The following DMD variants were observed in gnomAD, a reference collection of about 807,000 sequenced individuals.
DMD encodes the protein mutant dystrophin.
Under a neutral mutation model 330.1 loss-of-function variants are expected in DMD, and 63 were observed. That is an observed-to-expected ratio of 0.19 (90% confidence interval 0.16 to 0.24). The LOEUF is 0.24. DMD is among the 10% of genes least tolerant of loss of function. The pLI, the probability that DMD is intolerant of heterozygous loss-of-function variation, is 1.00. For synonymous variants in DMD, 1,223 were observed against 959.8 expected (o/e 1.27, Z -5.07); for missense variants, 3,344 against 2,684.1 (o/e 1.25, Z -5.43).
intron 7 of DMD, among the ~76,000 whole-genome samples, chrX:32,701,575 C>T (rs1301148100): frequency 1.8e-5 from 2 of 111,198 alleles, no homozygotes; most frequent in Non-Finnish European, 3.8e-5. Context: ...TCTTGAAATT[C>T]TAGAAAATGT....
chrX:31,787,067 G>A (rs2091340064), intron 50 of DMD, among the ~76,000 whole-genome samples: 1 of 112,115 alleles, frequency 8.9e-6, no homozygotes, highest in African/African-American at 3.2e-5. Flanking sequence ...TTCGATAGTA[G>A]AATATTTTTT....
At chrX:31,334,757 T>C (rs943097395) in intron 61 of DMD, among the ~76,000 whole-genome samples, 1 of 112,049 alleles carries the variant, frequency 8.9e-6, no homozygotes, top group Non-Finnish European at 1.9e-5. Context: ...CTTTTAACGA[T>C]AGCCAACCAT....
intron 63 of DMD, among the ~76,000 whole-genome samples, chrX:31,235,909 T>C (rs748059153): frequency 8.9e-6 from 1 of 112,526 alleles, no homozygotes; most frequent in East Asian, 2.8e-4. Context: ...TAACTGTATG[T>C]TGGCTCACTC....
intron 44 of DMD, among the ~76,000 whole-genome samples, chrX:32,070,361 G>A (rs751197813): frequency 9.0e-6 from 1 of 110,626 alleles, no homozygotes; most frequent in African/African-American, 3.3e-5. Context: ...CCACCCATGG[G>A]GTTTCTCATC....
rs904702430 is a variant in DMD, at chrX:31,234,077, T to C, written c.9287-10956A>G. Among the ~76,000 whole-genome samples, 3 of 112,162 alleles carry C rather than the reference T, an allele frequency of 2.7e-5. No individual in the cohort carries two copies. The Admixed American group carries it at 2.8e-4, about 11-fold the overall frequency. ...CAGTCAGCTGCAACGGAGGCTCTGT[T>C]ACCCTAACAGAAGCTTTTCAGGTTG... is the stretch of plus-strand genomic sequence containing the variant. On this transcript the variant is annotated intron_variant, in intron 63 of 78. Transcript: ENST00000357033.
At chrX:32,530,544 G>T (rs1029355295) in intron 17 of DMD, among the ~76,000 whole-genome samples, 1 of 112,049 alleles carries the variant, frequency 8.9e-6, no homozygotes. Flanking sequence ...ACATTTATAA[G>T]TTTTGTTTAA....
chrX:32,330,592 ATTG>A (rs2097674286), intron 41 of DMD, among the ~76,000 whole-genome samples: 1 of 111,701 alleles, frequency 9.0e-6, no homozygotes, highest in African/African-American at 3.2e-5. Flanking sequence ...TACACTTTAT[ATTG>A]TTGTGTTGCA....
At chrX:31,331,105 A>C (rs1303056776) in intron 61 of DMD, among the ~76,000 whole-genome samples, 1 of 112,111 alleles carries the variant, frequency 8.9e-6, no homozygotes. Context: ...GAGACCTCTA[A>C]TGTCTGCCAT....
At chrX:31,610,086 TCTCCCTCTCTCCTTTCTATC>T (rs1461837384) in intron 55 of DMD, among the ~76,000 whole-genome samples, 1 of 109,753 alleles carries the variant, frequency 9.1e-6, no homozygotes. Context: ...TCCTTCCTGT[TCTCCCTCTCTCCTTTCTATC>T]CTCCCTCTCT....
Position 32,035,206 on chromosome X carries a change from G to A in DMD, c.6439-66692C>T, listed in dbSNP as rs866313074. Among the ~76,000 whole-genome samples the A allele has an allele frequency of 2.7e-5, 3 of 111,188 alleles. No individual in the cohort carries two copies. In the South Asian group the frequency reaches 1.1e-3, roughly 41 times the overall value. ...GAAATACAATTATTTTGCAAAAGAC[G>A]ACAAAAGCATCATTTTACTCAACTG... On this transcript the variant is annotated intron_variant, in intron 44 of 78. Transcript: ENST00000357033.
chrX:31,953,862 A>G (rs982290024), intron 45 of DMD, among the ~76,000 whole-genome samples: 6 of 111,963 alleles, frequency 5.4e-5, no homozygotes, highest in African/African-American at 1.9e-4. Flanking sequence ...ACCATGTTAC[A>G]TACTTCCAAA....
intron 1 of DMD, among the ~76,000 whole-genome samples, chrX:33,315,065 C>T (rs189544315): frequency 2.0e-3 from 228 of 111,282 alleles, no homozygotes; most frequent in Non-Finnish European, 1.9e-3. Context: ...GTGATCCACC[C>T]GCCTCAGCCT....
intron 44 of DMD, among the ~76,000 whole-genome samples, chrX:32,086,354 T>C (rs1192250803): frequency 7.1e-5 from 8 of 112,079 alleles, no homozygotes; most frequent in Admixed American, 9.5e-5. Context: ...TAGCATACCA[T>C]AGTTTTCATC....
At chrX:31,476,434 C>T (rs184205350) in intron 59 of DMD, among the ~76,000 whole-genome samples, 3,550 of 101,469 alleles carry the variant, frequency 0.035, 146 homozygotes, top group African/African-American at 0.096. Flanking sequence ...CACACACACA[C>T]ACATACTTTA....
chrX:33,252,997 G>A (rs2052796482), intron 1 of DMD, among the ~76,000 whole-genome samples: 1 of 111,484 alleles, frequency 9.0e-6, no homozygotes, highest in Non-Finnish European at 1.9e-5. Context: ...TCTGGATTAT[G>A]AGTCAGTTTG....
intron 55 of DMD, among the ~76,000 whole-genome samples, chrX:31,518,127 G>T (rs1206123870): frequency 1.8e-5 from 2 of 111,341 alleles, no homozygotes; most frequent in Admixed American, 9.6e-5. Context: ...AATTTCCTGA[G>T]AAAAAGTGGG....
At chrX:33,211,218 T>A in intron 1 of DMD, 64 bp downstream of exon 1, 1 of 1,163,400 alleles carries the variant, frequency 8.6e-7, no homozygotes, top group South Asian at 1.9e-5. Context: ...ACCTAATTAG[T>A]GAGCTTGTCA....
chrX:32,083,955 C>G (rs927353880), intron 44 of DMD, among the ~76,000 whole-genome samples: 10 of 112,381 alleles, frequency 8.9e-5, no homozygotes, highest in Non-Finnish European at 1.9e-4. Context: ...ACTCATAAAC[C>G]TGCTTTATTC....
chrX:32,999,905 G>A (rs1209492322), intron 2 of DMD, among the ~76,000 whole-genome samples: 2 of 112,705 alleles, frequency 1.8e-5, no homozygotes, highest in Non-Finnish European at 3.7e-5. Flanking sequence ...CATACTTGAA[G>A]CGTCACGTAC....
Sources: gnomAD v4.1 joint callset for allele counts (sites outside exome capture counted in the v4.1 genomes callset) on GRCh38, gnomAD v4.1.1 for gene constraint, MANE v1.5 for transcripts, NCBI Gene and HGNC (gene_info 2026-07-23, HGNC 2026-07-21) for gene names.